ST3GAL3: variants seen among roughly 807,000 people sequenced by gnomAD.
ST3GAL3 encodes ST3 beta-galactoside alpha-2,3-sialyltransferase 3, also known as CMP-N-acetylneuraminate-beta-1,4-galactoside alpha-2,3-sialyltransferase.
A neutral mutation model predicts 50.1 loss-of-function variants in ST3GAL3; 21 were observed. That is an observed-to-expected ratio of 0.42 (90% CI 0.30 to 0.60). ST3GAL3 has a LOEUF of 0.60. Among genes scored for constraint, ST3GAL3 ranks in the 20% least tolerant of loss-of-function variants. The pLI is 0.19. For synonymous variants in ST3GAL3, 183 were observed against 190.0 expected, an observed-to-expected ratio of 0.96 and a Z score of 0.30; for missense variants, 353 against 489.4, an observed-to-expected ratio of 0.72 and a Z score of 2.63.
intron 3 of ST3GAL3, among the ~76,000 whole-genome samples, chr1:43,814,010 G>A (rs2060938144): frequency 6.6e-6 from 1 of 151,890 alleles, no homozygotes; most frequent in African/African-American, 2.4e-5. Flanking sequence ...ATGTTTTTGA[G>A]GACACAGGAA....
chr1:43,918,045 CTTT>C (rs1165446991), intron 9 of ST3GAL3, among the ~76,000 whole-genome samples: 1 of 149,976 alleles, frequency 6.7e-6, no homozygotes, highest in South Asian at 2.1e-4. Context: ...CAAAACATGT[CTTT>C]TTATTTCTTC....
intron 5 of ST3GAL3, among the ~76,000 whole-genome samples, chr1:43,882,969 TTATTTATTTA>T (rs372903746): frequency 6.4e-4 from 29 of 45,630 alleles, no homozygotes; most frequent in South Asian, 1.3e-3. Context: ...ATTTATTTAT[TTATTTATTTA>T]GAGACAGGCT....
At chr1:43,775,055 C>T (rs1572615331) in intron 2 of ST3GAL3, among the ~76,000 whole-genome samples, 1 of 152,116 alleles carries the variant, frequency 6.6e-6, no homozygotes, top group East Asian at 1.9e-4. Flanking sequence ...CTTCCAGTCC[C>T]TGACTCCCTG....
intron 5 of ST3GAL3, among the ~76,000 whole-genome samples, chr1:43,863,545 A>G (rs945270131): frequency 6.6e-6 from 1 of 152,232 alleles, no homozygotes; most frequent in Non-Finnish European, 1.5e-5. Flanking sequence ...TCTTCGCACA[A>G]GTCACGAAAA....
At chr1:43,779,406 G>A (rs1402677906) in intron 2 of ST3GAL3, among the ~76,000 whole-genome samples, 1 of 152,182 alleles carries the variant, frequency 6.6e-6, no homozygotes, top group Non-Finnish European at 1.5e-5. Context: ...TTATACATGT[G>A]CATAGTTTAC....
At chr1:43,848,294 C>CTTTTTT (rs58438507) in intron 5 of ST3GAL3, among the ~76,000 whole-genome samples, 11 of 70,374 alleles carry the variant, frequency 1.6e-4, no homozygotes, top group Admixed American at 6.0e-4. Flanking sequence ...TTGTGGTTTT[C>CTTTTTT]TTTTTTTTTT....
chr1:43,909,972 T>C (rs2080509286), intron 9 of ST3GAL3, among the ~76,000 whole-genome samples: 1 of 152,208 alleles, frequency 6.6e-6, no homozygotes, highest in Non-Finnish European at 1.5e-5. Flanking sequence ...TGTTAAATTA[T>C]CCTACATGAT....
At chr1:43,925,151 G>A (rs962173254) in intron 11 of ST3GAL3, among the ~76,000 whole-genome samples, 6 of 151,972 alleles carry the variant, frequency 3.9e-5, no homozygotes, top group African/African-American at 9.7e-5. Flanking sequence ...TTAGCCAGGC[G>A]TGGTGGTGCA....
At chr1:43,819,191 T>A (rs2061777516) in intron 4 of ST3GAL3, 1 of 152,260 alleles carries the variant, frequency 6.6e-6, no homozygotes, top group Admixed American at 6.5e-5. Flanking sequence ...CCTCCCCGGT[T>A]CAAGCGATTC....
intron 1 of ST3GAL3, among the ~76,000 whole-genome samples, chr1:43,733,084 A>C (rs534974562): frequency 2.0e-5 from 3 of 151,402 alleles, no homozygotes; most frequent in African/African-American, 7.3e-5. Flanking sequence ...AGCAGTCTTG[A>C]GGCGGGCTCA....
At chr1:43,729,171 C>T (rs1483594210) in intron 1 of ST3GAL3, among the ~76,000 whole-genome samples, 1 of 149,106 alleles carries the variant, frequency 6.7e-6, no homozygotes, top group East Asian at 2.0e-4. Context: ...CTCACTGCAA[C>T]CTCTGCCTCC....
At chr1:43,885,957 T>C (rs1407010785) in intron 5 of ST3GAL3, among the ~76,000 whole-genome samples, 1 of 152,210 alleles carries the variant, frequency 6.6e-6, no homozygotes, top group Non-Finnish European at 1.5e-5. Context: ...TGTCAAATTA[T>C]ACAAAATCAC....
chr1:43,814,826 G>T, intron 3 of ST3GAL3, 65 bp from the exon 4 acceptor site: 5 of 1,492,736 alleles, frequency 3.3e-6, no homozygotes, highest in Non-Finnish European at 4.7e-6. Flanking sequence ...TAGGTCTGGG[G>T]GATGCAATAT....
At chr1:43,921,349 A>G (rs2083003961) in intron 11 of ST3GAL3, 1 of 463,116 alleles carries the variant, frequency 2.2e-6, no homozygotes, top group Non-Finnish European at 3.8e-6. Context: ...GCAGCTCTTC[A>G]TACCCCGAAT....
chr1:43,794,950 G>T (rs2058516949), intron 3 of ST3GAL3, among the ~76,000 whole-genome samples: 1 of 152,092 alleles, frequency 6.6e-6, no homozygotes, highest in Non-Finnish European at 1.5e-5. Context: ...ATAGCTAGAT[G>T]GTGGTGTTCA....
intron 5 of ST3GAL3, chr1:43,858,231 C>T: frequency 7.8e-7 from 1 of 1,289,196 alleles, no homozygotes; most frequent in East Asian, 5.5e-5. Flanking sequence ...AGAGAAGGCC[C>T]TTCAGCTGGA....
chr1:43,858,072 A>G lies in ST3GAL3; in HGVS notation c.302+19761A>G. 30 of 1,240,108 alleles carry G rather than the reference A, an allele frequency of 2.4e-5. No individual in the cohort carries two copies. The South Asian group carries it at 2.6e-4, about 11-fold the overall frequency. 76.8% of individuals were successfully genotyped at this position (1,240,108 alleles called of 1,614,324 possible). A position where few individuals can be genotyped will look rare whatever the true frequency, so the allele number is the denominator to read the frequency against. ...TGGAAAGAACAGGTTTTTGAAGTGA[A>G]TAGGGCTGGGTTGCTCAACCTTTCT... On this transcript the variant is annotated intron_variant, in intron 5 of 11. Coordinates refer to ENST00000347631, the MANE Select transcript of ST3GAL3 (RefSeq NM_006279.5).
At chr1:43,877,088 AC>A (rs2074262200) in intron 5 of ST3GAL3, among the ~76,000 whole-genome samples, 1 of 152,118 alleles carries the variant, frequency 6.6e-6, no homozygotes. Flanking sequence ...CACTAGCTTG[AC>A]CCATCCCATT....
chr1:43,745,587 T>C (rs1360693272), intron 2 of ST3GAL3, among the ~76,000 whole-genome samples: 2 of 152,200 alleles, frequency 1.3e-5, no homozygotes, highest in African/African-American at 2.4e-5. Context: ...TTCCGTAAGA[T>C]TATAATATCA....
Sources: allele counts gnomAD v4.1 joint callset (sites outside exome capture counted in the v4.1 genomes callset), GRCh38; gene constraint gnomAD v4.1.1; transcripts MANE v1.5; gene names NCBI Gene and HGNC (gene_info 2026-07-23, HGNC 2026-07-21).